Variants in CTNNA3 observed in about 807,000 individuals in gnomAD.
The protein encoded by CTNNA3 is catenin alpha-3.
CTNNA3 carries 76 observed loss-of-function variants against 95.7 expected under a neutral mutation model. The observed-to-expected ratio is 0.79, with a 90% CI of 0.66 to 0.96. CTNNA3 has a LOEUF of 0.96. Ranked by LOEUF, CTNNA3 falls within the 40% of genes least tolerant of loss-of-function variation. CTNNA3 has a pLI of 0.00. For missense variants in CTNNA3, 1,191 were observed against 1,089.8 expected (o/e 1.09, Z -1.31); for synonymous variants, 431 against 374.4 (o/e 1.15, Z -1.74).
intron 10 of CTNNA3, among the ~76,000 whole-genome samples, chr10:66,548,906 C>T (rs1564526392): frequency 1.4e-5 from 2 of 146,436 alleles, no homozygotes; most frequent in African/African-American, 2.5e-5. Flanking sequence ...AAGAATATTT[C>T]TCTGTAATTT....
chr10:66,661,137 T>A (rs1245130665), intron 9 of CTNNA3, among the ~76,000 whole-genome samples: 1 of 106,828 alleles, frequency 9.4e-6, no homozygotes, highest in East Asian at 4.6e-4. Flanking sequence ...GTTAGACCAT[T>A]CATATCACTA....
chr10:66,312,024 C>T (rs142377273), intron 12 of CTNNA3, among the ~76,000 whole-genome samples: 61 of 152,194 alleles, frequency 4.0e-4, no homozygotes, highest in Middle Eastern at 3.4e-3. Flanking sequence ...AAAGCTGCTA[C>T]GTATCACTAT....
intron 7 of CTNNA3, among the ~76,000 whole-genome samples, chr10:67,061,276 C>T (rs1360385541): frequency 6.6e-6 from 1 of 152,134 alleles, no homozygotes; most frequent in African/African-American, 2.4e-5. Flanking sequence ...GCTTATTGTC[C>T]TTCCTTTGCC....
chr10:67,437,267 G>A (rs994710722), intron 5 of CTNNA3, among the ~76,000 whole-genome samples: 2 of 152,118 alleles, frequency 1.3e-5, no homozygotes, highest in Non-Finnish European at 2.9e-5. Context: ...TGGGAGGTAA[G>A]CAATAAGGAC....
chr10:66,540,420 C>T lies in CTNNA3; in HGVS notation c.1375-19647G>A, dbSNP rs149389074. ...AAACTGAGGGACAGTACAGGAGGACCACTTGGCCACTGATTGAGAGAGACT... is the reference window on the plus strand; with the variant it reads ...AAACTGAGGGACAGTACAGGAGGACTACTTGGCCACTGATTGAGAGAGACT... On this transcript the variant is annotated intron_variant, in intron 10 of 17. Coordinates refer to ENST00000433211, the MANE Select transcript of CTNNA3 (RefSeq NM_013266.4). 2.4e-4 allele frequency among the ~76,000 whole-genome samples: 37 copies of T among 152,128 alleles called. 1 individual carries two copies. Among genetic ancestry groups the T allele is most frequent in the African/African-American group, 8.9e-4 (37 of 41,514 alleles).
chr10:67,024,936 GC>G (rs1853261898), intron 7 of CTNNA3, among the ~76,000 whole-genome samples: 1 of 151,984 alleles, frequency 6.6e-6, no homozygotes, highest in African/African-American at 2.4e-5. Flanking sequence ...TTTGAGACCA[GC>G]CTGACCAACA....
At chr10:67,266,700 A>AG (rs1866840462) in intron 5 of CTNNA3, among the ~76,000 whole-genome samples, 1 of 152,168 alleles carries the variant, frequency 6.6e-6, no homozygotes, top group South Asian at 2.1e-4. Context: ...AAGGGTACAA[A>AG]GTTTCAGCTA....
At chr10:65,924,866 A>C (rs2077142316) in intron 17 of CTNNA3, among the ~76,000 whole-genome samples, 1 of 152,224 alleles carries the variant, frequency 6.6e-6, no homozygotes, top group Admixed American at 6.5e-5. Flanking sequence ...CATGTCTTAC[A>C]TGGTGGCAGG....
chr10:66,400,091 A>C (rs1188600927), intron 11 of CTNNA3, among the ~76,000 whole-genome samples: 1 of 152,070 alleles, frequency 6.6e-6, no homozygotes, highest in African/African-American at 2.4e-5. Context: ...TAGCCTATTA[A>C]ATTTAGTATT....
chr10:66,119,751 T>TG, intron 13 of CTNNA3, among the ~76,000 whole-genome samples: 1 of 152,224 alleles, frequency 6.6e-6, no homozygotes, highest in South Asian at 2.1e-4. Context: ...AATCAATTTT[T>TG]TTTATTAAAT....
chr10:66,847,279 C>T (rs1843314806), intron 7 of CTNNA3, among the ~76,000 whole-genome samples: 1 of 152,146 alleles, frequency 6.6e-6, no homozygotes, highest in South Asian at 2.1e-4. Flanking sequence ...TACTCTGCCA[C>T]ATTGTCTGGA....
At chr10:66,344,510 G>A (rs1445434794) in intron 12 of CTNNA3, among the ~76,000 whole-genome samples, 2 of 151,894 alleles carry the variant, frequency 1.3e-5, no homozygotes, top group African/African-American at 4.8e-5. Context: ...CAGGTGATCC[G>A]TCGGCTTTGG....
rs201101919 is a variant in CTNNA3 at position 65,952,547 on chromosome 10, A to T, written c.2400+14065T>A. ...TATAAATATTCCAGTTAATTTTCCA[A>T]TTTTTTTTTAATTTTCCCTGTTTTC... On this transcript the variant is annotated intron_variant, in intron 17 of 17. Transcript: ENST00000433211. 2.5e-3 allele frequency among the ~76,000 whole-genome samples: 306 copies of T among 123,812 alleles called. 2 individuals carry two copies. The highest frequency in any genetic ancestry group is 7.7e-3 in the African/African-American group (298 of 38,742). The allele number at this position is 123,812 out of a possible 152,430, so 81.2% of individuals were successfully genotyped here.
In CTNNA3 at chr10:67,550,424, A is replaced by G. The variant is rs1022376340; in HGVS notation, c.293-10755T>C. Among the ~76,000 whole-genome samples the G allele has an allele frequency of 1.4e-4, 21 of 152,292 alleles. No individual in the cohort carries two copies. In the East Asian group the frequency reaches 4.1e-3, roughly 29 times the overall value. The stretch of plus-strand genomic sequence containing the variant: ...CATCTACCTTGTTCGCTACCTTTCA[A>G]TGAAATCCTGAGCAAGTCACATAAT... On this transcript the variant is annotated intron_variant, in intron 3 of 17. Transcript: ENST00000433211.
At chr10:66,178,303 T>G (rs929498313) in intron 13 of CTNNA3, among the ~76,000 whole-genome samples, 2 of 149,878 alleles carry the variant, frequency 1.3e-5, no homozygotes, top group African/African-American at 2.4e-5. Context: ...AAAGTGTATA[T>G]GTATGTGTAT....
intron 11 of CTNNA3, among the ~76,000 whole-genome samples, chr10:66,481,415 G>T (rs1215434896): frequency 6.7e-6 from 1 of 148,736 alleles, no homozygotes; most frequent in African/African-American, 2.5e-5. Flanking sequence ...TGCTGTTTTA[G>T]GTATTGGGTA....
At chr10:67,569,388 G>A (rs1226478623) in intron 3 of CTNNA3, among the ~76,000 whole-genome samples, 1 of 152,106 alleles carries the variant, frequency 6.6e-6, no homozygotes, top group Non-Finnish European at 1.5e-5. Flanking sequence ...TTTAAAGTAT[G>A]AGAAATTCTG....
At chr10:67,316,720 G>A (rs1360616231) in intron 5 of CTNNA3, among the ~76,000 whole-genome samples, 3 of 152,080 alleles carry the variant, frequency 2.0e-5, no homozygotes, top group Admixed American at 1.3e-4. Flanking sequence ...ACTGCTTAAT[G>A]GACAGAAATT....
chr10:66,020,571 CT>C (rs1395550087), intron 15 of CTNNA3, among the ~76,000 whole-genome samples: 2 of 152,136 alleles, frequency 1.3e-5, no homozygotes, highest in Non-Finnish European at 2.9e-5. Context: ...GGTAAACTTT[CT>C]GATGCTCAGG....
Sources: allele counts gnomAD v4.1 joint callset (sites outside exome capture counted in the v4.1 genomes callset), GRCh38; gene constraint gnomAD v4.1.1; transcripts MANE v1.5; gene names NCBI Gene and HGNC (gene_info 2026-07-23, HGNC 2026-07-21).